MAPK10: variants seen among roughly 807,000 people sequenced by gnomAD.
The protein encoded by MAPK10 is JNK3 alpha protein kinase.
MAPK10 carries 25 observed loss-of-function variants against 59.3 expected under a neutral mutation model. The ratio of observed to expected loss-of-function variants is 0.42; its 90% CI spans 0.31 to 0.59. MAPK10 has a LOEUF of 0.59. Ranked by LOEUF, MAPK10 falls within the 20% of genes least tolerant of loss-of-function variation. The pLI is 0.15. For synonymous variants in MAPK10, 190 were observed against 200.5 expected, an observed-to-expected ratio of 0.95 and a Z score of 0.44; for missense variants, 351 against 568.9, an observed-to-expected ratio of 0.62 and a Z score of 3.90.
intron 9 of MAPK10, among the ~76,000 whole-genome samples, chr4:86,076,552 A>C (rs909974284): frequency 2.0e-5 from 3 of 152,202 alleles, no homozygotes; most frequent in African/African-American, 7.2e-5. Context: ...TATGGTAAAA[A>C]ATTGTTTTAA....
chr4:86,306,914 C>T (rs1016521228), intron 2 of MAPK10, among the ~76,000 whole-genome samples: 16 of 152,148 alleles, frequency 1.1e-4, no homozygotes, highest in Admixed American at 6.5e-4. Context: ...AAATATCTCA[C>T]TTTGAATTCT....
intron 4 of MAPK10, among the ~76,000 whole-genome samples, chr4:86,149,810 A>G (rs567856558): frequency 1.3e-5 from 2 of 152,306 alleles, no homozygotes; most frequent in East Asian, 1.9e-4. Flanking sequence ...GAGATCCCAC[A>G]CAGGTAAGAG....
chr4:86,060,112 C>T (rs542397834), intron 11 of MAPK10, among the ~76,000 whole-genome samples: 64 of 152,336 alleles, frequency 4.2e-4, no homozygotes, highest in East Asian at 1.7e-3. Flanking sequence ...TTGGCCTCAA[C>T]GCCTGTCCCA....
chr4:86,119,846 T>A (rs185932054), intron 4 of MAPK10: 3 of 152,288 alleles, frequency 2.0e-5, no homozygotes, highest in Admixed American at 6.5e-5. Flanking sequence ...CATGTGGTTA[T>A]AAAAGCCTGG....
upstream of MAPK10, among the ~76,000 whole-genome samples, chr4:86,457,586 G>A (rs964780540): frequency 2.0e-5 from 3 of 151,930 alleles, no homozygotes; most frequent in Non-Finnish European, 4.4e-5. Context: ...AAATAATTAC[G>A]AATATACCTA....
intron 1 of MAPK10, among the ~76,000 whole-genome samples, chr4:86,501,680 GCA>G (rs144986675): frequency 4.6e-3 from 679 of 146,242 alleles, no homozygotes; most frequent in Non-Finnish European, 7.2e-3. Context: ...GTGTGTGCAT[GCA>G]CACACACACA....
chr4:86,559,114 G>A (rs1760482544), intron 1 of MAPK10, among the ~76,000 whole-genome samples: 1 of 151,816 alleles, frequency 6.6e-6, no homozygotes, highest in African/African-American at 2.4e-5. Flanking sequence ...GAGTTCAATG[G>A]CAAATGTCTG....
At chr4:86,294,036 A>G (rs909288758) in intron 2 of MAPK10, among the ~76,000 whole-genome samples, 5 of 152,204 alleles carry the variant, frequency 3.3e-5, no homozygotes, top group African/African-American at 1.2e-4. Context: ...TGCGGAGTTA[A>G]CACCCACAGA....
chr4:86,228,694 C>A (rs1034506836), intron 2 of MAPK10, among the ~76,000 whole-genome samples: 1 of 152,108 alleles, frequency 6.6e-6, no homozygotes, highest in Non-Finnish European at 1.5e-5. Flanking sequence ...CTGTTACCCA[C>A]CATACAATGA....
chr4:86,476,468 C>A (rs901568414), intron 1 of MAPK10, among the ~76,000 whole-genome samples: 6 of 152,132 alleles, frequency 3.9e-5, no homozygotes, highest in Admixed American at 6.5e-5. Flanking sequence ...TGTTTAGGCT[C>A]TTTTTCATCA....
intron 2 of MAPK10, among the ~76,000 whole-genome samples, chr4:86,351,875 GAC>G (rs1381336325): frequency 6.6e-6 from 1 of 152,100 alleles, no homozygotes; most frequent in Non-Finnish European, 1.5e-5. Context: ...CATTTTGAAA[GAC>G]ACATCTCAAA....
chr4:86,045,171 T>C (rs552682312), intron 11 of MAPK10, among the ~76,000 whole-genome samples: 3 of 152,134 alleles, frequency 2.0e-5, no homozygotes, highest in African/African-American at 7.2e-5. Flanking sequence ...TCTGTAGTTT[T>C]CTCAGATTTA....
intron 1 of MAPK10, among the ~76,000 whole-genome samples, chr4:86,445,867 AT>A (rs1275398019): frequency 3.9e-5 from 6 of 152,212 alleles, no homozygotes; most frequent in Non-Finnish European, 5.9e-5. Context: ...TATTGAAAGA[AT>A]GTCTTCAGAG....
intron 1 of MAPK10, among the ~76,000 whole-genome samples, chr4:86,427,256 CAA>C (rs576600795): frequency 0.33 from 30,887 of 93,288 alleles, 3,273 homozygotes; most frequent in Admixed American, 0.38. Context: ...GATTCTGTCT[CAA>C]AAAAAAAAAA....
At position 86,312,797 on chromosome 4, in the gene MAPK10, T is replaced by C. The variant is rs141449854; in HGVS notation, c.-7+41733A>G. ...CAGACAGGAAATTGATTTGTCAGTC[T>C]TACACTTAAAAACTTAATAGTGGAG... On this transcript the variant is annotated intron_variant, in intron 2 of 13. Coordinates refer to ENST00000641462, the MANE Select transcript of MAPK10 (RefSeq NM_138982.4). Among the ~76,000 whole-genome samples, 767 of 152,228 alleles carry C rather than the reference T, an allele frequency of 5.0e-3. 6 individuals carry two copies. Among genetic ancestry groups the C allele is most frequent in the African/African-American group, 0.018 (729 of 41,564 alleles).
chr4:86,158,847 C>T (rs1008392704), intron 4 of MAPK10, among the ~76,000 whole-genome samples: 62 of 152,012 alleles, frequency 4.1e-4, no homozygotes, highest in African/African-American at 1.3e-3. Flanking sequence ...TTTTCTAAAT[C>T]GGTAACTCAG....
intron 2 of MAPK10, among the ~76,000 whole-genome samples, chr4:86,235,783 A>G (rs1000317622): frequency 2.6e-5 from 4 of 152,190 alleles, no homozygotes; most frequent in Non-Finnish European, 5.9e-5. Context: ...GGAGGTGAAC[A>G]GTGTGCTGAG....
chr4:86,279,874 C>T (rs2094730966), intron 2 of MAPK10, among the ~76,000 whole-genome samples: 1 of 152,186 alleles, frequency 6.6e-6, no homozygotes. Flanking sequence ...CATCTTCCAA[C>T]CCTGGATCTC....
rs1733462712 is a variant in MAPK10, at chr4:86,354,592, T to C, written c.-69A>G. 1.6e-6 allele frequency: 2 copies of C among 1,231,578 alleles called. No individual in the cohort carries two copies. Among genetic ancestry groups the C allele is most frequent in the African/African-American group, 3.1e-5 (2 of 64,528 alleles). The allele number at this position is 1,231,578 out of a possible 1,614,324, so 76.3% of individuals were successfully genotyped here. On this transcript the variant is annotated 5_prime_UTR_variant, in exon 2 of 14. Transcript: ENST00000641462. ...CTAATTCAACAGTTTCTTGCATAAG[T>C]TGCCATAGTGAAGATCTGAGATGGG... is the stretch of plus-strand genomic sequence containing the variant.
Sources: allele counts gnomAD v4.1 joint callset (sites outside exome capture counted in the v4.1 genomes callset), GRCh38; gene constraint gnomAD v4.1.1; transcripts MANE v1.5; gene names NCBI Gene and HGNC (gene_info 2026-07-23, HGNC 2026-07-21).